The following CYP39A1 variants were observed in gnomAD, a reference collection of about 807,000 sequenced individuals.
The protein encoded by CYP39A1 is cytochrome P450 family 39 subfamily A member 1.
In CYP39A1, 49 loss-of-function variants were observed where a neutral mutation model predicts 58.1. The observed-to-expected ratio is 0.84, with a 90% CI of 0.67 to 1.07. The LOEUF is 1.07. Among genes scored for constraint, CYP39A1 ranks in the 50% least tolerant of loss-of-function variants. The pLI is 0.00. For synonymous variants in CYP39A1, 209 were observed against 187.6 expected (o/e 1.11, Z -0.93); for missense variants, 531 against 539.4 (o/e 0.98, Z 0.16).
chr6:46,637,239 C>G (rs996834705), intron 4 of CYP39A1, among the ~76,000 whole-genome samples: 2 of 152,088 alleles, frequency 1.3e-5, no homozygotes, highest in African/African-American at 4.8e-5. Flanking sequence ...ATGCTGGCAC[C>G]CTCATCTCAG....
At chr6:46,599,484 G>C (rs115524059) in intron 7 of CYP39A1, among the ~76,000 whole-genome samples, 3 of 152,228 alleles carry the variant, frequency 2.0e-5, no homozygotes. Flanking sequence ...ACAAGCTGTC[G>C]CACTGGTTCT....
At chr6:46,638,806 C>T (rs1370378805) in intron 3 of CYP39A1, among the ~76,000 whole-genome samples, 1 of 152,128 alleles carries the variant, frequency 6.6e-6, no homozygotes, top group Non-Finnish European at 1.5e-5. Context: ...AGGATTCCTG[C>T]TGAGATGGCA....
chr6:46,642,173 A>C lies in CYP39A1; in HGVS notation c.303T>G (p.Val101=). ...VDFELAVQNI[V]YRTASIPKNV... ...GAAAATATTCTTTACCTGTACGATA[A>C]ACGATATTTTGCACTGCTAGTTCAA... The change falls in exon 2 of 12, where the codon GTT becomes GTG. Residue 101 remains valine, a synonymous_variant. Transcript: ENST00000275016. 2.5e-6 allele frequency: 4 copies of C among 1,612,770 alleles called. No individual in the cohort carries two copies. Among genetic ancestry groups the C allele is most frequent in the Non-Finnish European group, 3.4e-6 (4 of 1,179,308 alleles).
At chr6:46,580,520 T>C (rs1003012889) in intron 10 of CYP39A1, among the ~76,000 whole-genome samples, 3 of 152,166 alleles carry the variant, frequency 2.0e-5, no homozygotes, top group Admixed American at 6.6e-5. Flanking sequence ...CTAATTAAAC[T>C]GAAAAGCTTC....
Position 46,624,163 on chromosome 6 carries a change from C to T in CYP39A1, c.931+1255G>A, listed in dbSNP as rs558676668. Among the ~76,000 whole-genome samples the T allele has an allele frequency of 9.2e-5, 14 of 152,256 alleles. No individual in the cohort carries two copies. In the South Asian group the frequency reaches 2.9e-3, roughly 32 times the overall value. On this transcript the variant is annotated intron_variant, in intron 7 of 11. Coordinates refer to ENST00000275016, the MANE Select transcript of CYP39A1 (RefSeq NM_016593.5). ...CCTTTGGGTCAGAGAGGACCCCCCA[C>T]GTTATCCCCATCATCCCCTCTCTAC...
intron 7 of CYP39A1, among the ~76,000 whole-genome samples, chr6:46,615,135 G>T (rs775039419): frequency 6.6e-6 from 1 of 152,038 alleles, no homozygotes; most frequent in Non-Finnish European, 1.5e-5. Context: ...GCCCACTATG[G>T]TAGGCAAGTT....
At chr6:46,647,307 A>C (rs1762385669) in intron 1 of CYP39A1, among the ~76,000 whole-genome samples, 1 of 152,188 alleles carries the variant, frequency 6.6e-6, no homozygotes, top group South Asian at 2.1e-4. Context: ...ACTAACCAAA[A>C]CAAAGTTGGT....
intron 9 of CYP39A1, 125 bp from the exon 10 acceptor site, chr6:46,587,290 A>G (rs1280935292): frequency 2.9e-6 from 2 of 690,768 alleles, no homozygotes; most frequent in Non-Finnish European, 2.6e-6. Context: ...GGTTGTTGGT[A>G]ATTTTTTCCA....
intron 7 of CYP39A1, among the ~76,000 whole-genome samples, chr6:46,616,778 CG>C (rs1261575576): frequency 6.6e-6 from 1 of 151,930 alleles, no homozygotes; most frequent in African/African-American, 2.4e-5. Context: ...GAGATGAGGT[CG>C]TTGAGTTAGA....
intron 6 of CYP39A1, among the ~76,000 whole-genome samples, chr6:46,626,975 A>G (rs1775350093): frequency 6.6e-6 from 1 of 152,172 alleles, no homozygotes; most frequent in Non-Finnish European, 1.5e-5. Context: ...TAAACAAAAG[A>G]GGTTCAACTG....
chr6:46,642,268 C>G lies in CYP39A1; in HGVS notation c.208G>C (p.Gly70Arg). The part of the protein sequence containing the change: ...YGPIFTVFAM[G>R]NRMTFVTEEE... ...TCAGTAACAAAGGTCATTCGGTTTCCCATAGCAAAGACTGTAAATATTGGT... is the reference window on the plus strand; with the variant it reads ...TCAGTAACAAAGGTCATTCGGTTTCGCATAGCAAAGACTGTAAATATTGGT... Residue 70 changes from glycine to arginine, a missense_variant, in exon 2 of 12, where the codon GGA becomes CGA. Gly to Arg is a moderately radical substitution (Grantham distance 125). Transcript: ENST00000275016. 1 of 1,612,596 alleles carries G rather than the reference C, an allele frequency of 6.2e-7. No individual in the cohort carries two copies. Among genetic ancestry groups the G allele is most frequent in the East Asian group, 2.2e-5 (1 of 44,716 alleles).
chr6:46,570,789 C>T (rs1434927817), intron 10 of CYP39A1, among the ~76,000 whole-genome samples: 1 of 152,118 alleles, frequency 6.6e-6, no homozygotes, highest in African/African-American at 2.4e-5. Flanking sequence ...TAGTTCATTG[C>T]CATAGAAAGG....
At chr6:46,625,208 T>C (rs1001136654) in intron 7 of CYP39A1, among the ~76,000 whole-genome samples, 3 of 152,142 alleles carry the variant, frequency 2.0e-5, no homozygotes, top group African/African-American at 7.2e-5. Context: ...TTTCATCATT[T>C]GGAAAATGAA....
intron 10 of CYP39A1, among the ~76,000 whole-genome samples, chr6:46,562,081 G>T (rs893849714): frequency 1.3e-5 from 2 of 151,952 alleles, no homozygotes; most frequent in Non-Finnish European, 2.9e-5. Context: ...GGAGTGCAGT[G>T]GTACGATCTT....
chr6:46,550,635 A>C (rs537812249), intron 11 of CYP39A1, among the ~76,000 whole-genome samples, 198 bp from the exon 12 acceptor site: 18 of 152,350 alleles, frequency 1.2e-4, no homozygotes, highest in East Asian at 5.8e-4. Flanking sequence ...AAAAGAATAC[A>C]ATTCCTTATT....
intron 1 of CYP39A1, among the ~76,000 whole-genome samples, chr6:46,644,629 T>C (rs73471147): frequency 0.015 from 2,350 of 152,332 alleles, 71 homozygotes; most frequent in African/African-American, 0.053. Flanking sequence ...GGTTTTTATG[T>C]AAACATTAAG....
chr6:46,620,068 C>T (rs956921003), intron 7 of CYP39A1, among the ~76,000 whole-genome samples: 4 of 152,016 alleles, frequency 2.6e-5, no homozygotes, highest in South Asian at 4.1e-4. Context: ...TACAGATTAA[C>T]CAAAGTTTTG....
intron 1 of CYP39A1, among the ~76,000 whole-genome samples, chr6:46,648,950 A>C (rs1311524153): frequency 1.3e-5 from 2 of 152,238 alleles, no homozygotes; most frequent in East Asian, 3.8e-4. Context: ...ATGCTTAAAA[A>C]ATGGTAAATT....
intron 7 of CYP39A1, among the ~76,000 whole-genome samples, chr6:46,602,923 T>TGG (rs11449645): frequency 0.16 from 19,021 of 122,264 alleles, 1,726 homozygotes; most frequent in Middle Eastern, 0.21. Context: ...AAATATAAAA[T>TGG]GGGGGGGGGG....
Sources: gnomAD v4.1 joint callset for allele counts (sites outside exome capture counted in the v4.1 genomes callset) on GRCh38, gnomAD v4.1.1 for gene constraint, MANE v1.5 for transcripts, NCBI Gene and HGNC (gene_info 2026-07-23, HGNC 2026-07-21) for gene names.